The following CDH13 variants were observed in gnomAD, a reference collection of about 807,000 sequenced individuals.
CDH13 encodes the protein cadherin-13.
A neutral mutation model predicts 63.8 loss-of-function variants in CDH13; 24 were observed. That is an observed-to-expected ratio of 0.38 (90% CI 0.27 to 0.53). The LOEUF (loss-of-function observed/expected upper bound fraction) is 0.53. Among genes scored for constraint, CDH13 ranks in the 20% least tolerant of loss-of-function variants. CDH13 has a pLI of 0.85. For synonymous variants in CDH13, 503 were observed against 355.3 expected (o/e 1.42, Z -4.67); for missense variants, 1,049 against 903.1 (o/e 1.16, Z -2.07).
chr16:83,496,904 G>GA (rs1245320688), intron 7 of CDH13, among the ~76,000 whole-genome samples: 1 of 152,172 alleles, frequency 6.6e-6, no homozygotes, highest in Non-Finnish European at 1.5e-5. Flanking sequence ...AAAAACACAT[G>GA]AAAAAATGCT....
At chr16:83,788,094 CACGT>C (rs1312299780) in intron 13 of CDH13, among the ~76,000 whole-genome samples, 1 of 152,228 alleles carries the variant, frequency 6.6e-6, no homozygotes, top group Non-Finnish European at 1.5e-5. Context: ...TGTGTGCACG[CACGT>C]GTGTGTACCC....
chr16:83,594,316 T>G (rs6563941), intron 7 of CDH13, among the ~76,000 whole-genome samples: 84,074 of 152,086 alleles, frequency 0.55, 25,326 homozygotes, highest in Non-Finnish European at 0.67. Flanking sequence ...CCTATAAGGA[T>G]TATTCTCCCC....
chr16:83,020,049 C>T (rs1915202762), intron 2 of CDH13, among the ~76,000 whole-genome samples: 1 of 152,160 alleles, frequency 6.6e-6, no homozygotes, highest in Non-Finnish European at 1.5e-5. Context: ...AGCTACCTCA[C>T]TAGGCAATAG....
rs1904281312 is a variant in CDH13, at chr16:83,566,467, C to T, written c.961-35987C>T. 2.6e-5 allele frequency among the ~76,000 whole-genome samples: 4 copies of T among 152,060 alleles called. No homozygotes were observed. The South Asian group carries it at 8.3e-4, about 31-fold the overall frequency. On this transcript the variant is annotated intron_variant, in intron 7 of 13. Transcript: ENST00000567109. ...CGAAACACCCTTCCAGCCACATATA[C>T]TGTTAGATAAGGTTCCTGGCTCTCA...
chr16:83,341,497 T>A (rs995790375), intron 5 of CDH13, among the ~76,000 whole-genome samples: 1 of 152,210 alleles, frequency 6.6e-6, no homozygotes, highest in Non-Finnish European at 1.5e-5. Flanking sequence ...TTAATTTTCA[T>A]CCACATCATT....
intron 1 of CDH13, among the ~76,000 whole-genome samples, chr16:82,693,949 G>A (rs1597341282): frequency 1.3e-5 from 2 of 152,246 alleles, no homozygotes; most frequent in East Asian, 3.9e-4. Flanking sequence ...GTGAAGGCCT[G>A]GATTAAAATG....
intron 7 of CDH13, among the ~76,000 whole-genome samples, chr16:83,535,855 GGGAA>G (rs1319204506): frequency 2.0e-5 from 3 of 148,830 alleles, no homozygotes; most frequent in Admixed American, 6.8e-5. Flanking sequence ...GAGGGAGGGA[GGGAA>G]GGAAGGAAGG....
intron 3 of CDH13, among the ~76,000 whole-genome samples, chr16:83,065,121 G>A (rs2031894129): frequency 6.6e-6 from 1 of 152,010 alleles, no homozygotes; most frequent in African/African-American, 2.4e-5. Context: ...CTGTGCCTTA[G>A]CCATATTTGT....
intron 1 of CDH13, among the ~76,000 whole-genome samples, chr16:82,791,232 G>C (rs1330748590): frequency 1.1e-3 from 57 of 52,058 alleles, no homozygotes; most frequent in Non-Finnish European, 1.8e-3. Context: ...GCGAGACTCC[G>C]TCTCCAAAAA....
chr16:83,704,562 A>G (rs550136461), intron 10 of CDH13, among the ~76,000 whole-genome samples: 7 of 152,316 alleles, frequency 4.6e-5, no homozygotes, highest in East Asian at 1.9e-4. Flanking sequence ...TAGTCTGCCC[A>G]CAGCCCCGCT....
At chr16:83,482,661 A>C (rs375636791) in intron 6 of CDH13, among the ~76,000 whole-genome samples, 2 of 152,232 alleles carry the variant, frequency 1.3e-5, no homozygotes, top group Admixed American at 6.5e-5. Context: ...CATTGCACTC[A>C]GCAGATAGGT....
At chr16:83,676,064 C>T (rs1215157982) in intron 9 of CDH13, among the ~76,000 whole-genome samples, 7 of 152,080 alleles carry the variant, frequency 4.6e-5, no homozygotes, top group Non-Finnish European at 1.0e-4. Flanking sequence ...ATAATGACAT[C>T]CCCAGGAAAG....
intron 2 of CDH13, among the ~76,000 whole-genome samples, chr16:83,000,992 C>G (rs931984235): frequency 6.6e-6 from 1 of 152,210 alleles, no homozygotes; most frequent in Non-Finnish European, 1.5e-5. Context: ...TTCCAAACCT[C>G]AGCTGATTTT....
chr16:83,046,034 C>G (rs76538102), intron 3 of CDH13, among the ~76,000 whole-genome samples: 1,848 of 152,338 alleles, frequency 0.012, 22 homozygotes, highest in Non-Finnish European at 0.02. Context: ...TTGGGCCAGA[C>G]TGTTGGTGCT....
chr16:82,950,795 G>C (rs1905211198), intron 2 of CDH13, among the ~76,000 whole-genome samples: 1 of 148,480 alleles, frequency 6.7e-6, no homozygotes, highest in Non-Finnish European at 1.5e-5. Flanking sequence ...CTGAGAGTTA[G>C]AACTCCCACA....
At chr16:82,724,799 G>A (rs768623237) in intron 1 of CDH13, among the ~76,000 whole-genome samples, 11 of 152,182 alleles carry the variant, frequency 7.2e-5, no homozygotes, top group Non-Finnish European at 1.2e-4. Context: ...AAACAGGGGA[G>A]CCAGGGACAA....
intron 11 of CDH13, among the ~76,000 whole-genome samples, chr16:83,753,976 C>G (rs1913300107): frequency 2.6e-5 from 4 of 151,328 alleles, no homozygotes; most frequent in Non-Finnish European, 5.9e-5. Flanking sequence ...GGTGCATTTT[C>G]TGATTCTAGG....
At chr16:83,478,803 A>C (rs1052666698) in intron 6 of CDH13, among the ~76,000 whole-genome samples, 3 of 145,120 alleles carry the variant, frequency 2.1e-5, no homozygotes, top group Admixed American at 7.3e-5. Context: ...CCAACCTCCC[A>C]CCTGGCTGGC....
chr16:83,304,710 T>G (rs2089833029), intron 5 of CDH13, among the ~76,000 whole-genome samples: 1 of 152,162 alleles, frequency 6.6e-6, no homozygotes, highest in Non-Finnish European at 1.5e-5. Context: ...GATGAGATAT[T>G]TATAAGCAAG....
Sources: gnomAD v4.1 joint callset for allele counts (sites outside exome capture counted in the v4.1 genomes callset) on GRCh38, gnomAD v4.1.1 for gene constraint, MANE v1.5 for transcripts, NCBI Gene and HGNC (gene_info 2026-07-23, HGNC 2026-07-21) for gene names.